Variants in GLDN observed in about 807,000 individuals in gnomAD.
The protein encoded by GLDN is gliomedin.
In GLDN, 47 loss-of-function variants were observed where a neutral mutation model predicts 56.5. The observed-to-expected ratio is 0.83, with a 90% CI of 0.66 to 1.06. The LOEUF (loss-of-function observed/expected upper bound fraction) is 1.06, where lower values mean the gene tolerates loss of function less well. Ranked by LOEUF, GLDN falls within the 50% of genes least tolerant of loss-of-function variation. The pLI, the probability that GLDN is intolerant of heterozygous loss-of-function variation, is 0.00. For missense variants in GLDN, 782 were observed against 714.3 expected, an observed-to-expected ratio of 1.09 and a Z score of -1.08; for synonymous variants, 332 against 278.8, an observed-to-expected ratio of 1.19 and a Z score of -1.90.
intron 4 of GLDN, 113 bp downstream of exon 4, chr15:51,384,005 T>A: frequency 2.4e-6 from 2 of 835,578 alleles, no homozygotes; most frequent in Non-Finnish European, 4.0e-6. Context: ...CTGCACAGTT[T>A]AAGGCCGGTT....
At chr15:51,376,703 T>G (rs1480218230) in intron 1 of GLDN, among the ~76,000 whole-genome samples, 2 of 152,244 alleles carry the variant, frequency 1.3e-5, no homozygotes, top group Non-Finnish European at 2.9e-5. Flanking sequence ...TTTCCTATTT[T>G]TAAAATTTGG....
At chr15:51,353,155 G>A (rs1159033649) in intron 1 of GLDN, among the ~76,000 whole-genome samples, 1 of 152,106 alleles carries the variant, frequency 6.6e-6, no homozygotes, top group East Asian at 1.9e-4. Flanking sequence ...CCCCCATCTA[G>A]GAACAGACTT....
chr15:51,404,301 C>T lies in GLDN; in HGVS notation c.1203C>T (p.Ser401=). ...GATTTGAATTTGGCCAGGAAACATC[C>T]CAAACTCTGAAGCTTGAAAATGCCT... ...LVRFEFGQET[S]QTLKLENALY... Residue 401 remains serine, a synonymous_variant, in exon 10 of 10, where the codon TCC becomes TCT. Coordinates refer to ENST00000335449, the MANE Select transcript of GLDN (RefSeq NM_181789.4). 1 of 1,598,716 alleles carries T rather than the reference C, an allele frequency of 6.3e-7. No individual in the cohort carries two copies.
intron 1 of GLDN, among the ~76,000 whole-genome samples, chr15:51,359,238 G>A (rs1479848936): frequency 6.6e-6 from 1 of 152,142 alleles, no homozygotes; most frequent in Non-Finnish European, 1.5e-5. Flanking sequence ...AGATCAAACC[G>A]GACCTAGGAA....
At chr15:51,409,719 G>A (rs2038445710), downstream of GLDN, among the ~76,000 whole-genome samples, 1 of 152,194 alleles carries the variant, frequency 6.6e-6, no homozygotes, top group Admixed American at 6.5e-5. Context: ...TCATTTTAAA[G>A]TCTAGGAAAG....
downstream of GLDN, among the ~76,000 whole-genome samples, chr15:51,412,844 G>A (rs2038481257): frequency 1.3e-5 from 2 of 151,996 alleles, no homozygotes; most frequent in African/African-American, 4.8e-5. Context: ...CTGCTTTTAT[G>A]TCATAATAAT....
At chr15:51,411,260 GA>G (rs1373187146), downstream of GLDN, among the ~76,000 whole-genome samples, 1 of 152,214 alleles carries the variant, frequency 6.6e-6, no homozygotes, top group Non-Finnish European at 1.5e-5. Context: ...GTCTCCTGCA[GA>G]AGGGGAGAAA....
At chr15:51,349,002 T>C in intron 1 of GLDN, among the ~76,000 whole-genome samples, 1 of 152,348 alleles carries the variant, frequency 6.6e-6, no homozygotes, top group Middle Eastern at 3.4e-3. Flanking sequence ...TTTTTTGTTG[T>C]TTTTTGCTGT....
chr15:51,411,704 GTTTA>G (rs1176115208), downstream of GLDN, among the ~76,000 whole-genome samples: 6 of 152,128 alleles, frequency 3.9e-5, no homozygotes, highest in Non-Finnish European at 7.4e-5. Flanking sequence ...ACAAAATTCT[GTTTA>G]TTTGACTTTT....
At position 51,346,615 on chromosome 15, in the gene GLDN, G is replaced by C. The variant is rs566036845; in HGVS notation, c.363+4568G>C. 2.6e-5 allele frequency among the ~76,000 whole-genome samples: 4 copies of C among 152,242 alleles called. No individual in the cohort carries two copies. The South Asian group carries it at 6.2e-4, about 24-fold the overall frequency. On this transcript the variant is annotated intron_variant, in intron 1 of 9. Transcript: ENST00000335449. ...ATATCATTTTTAATTTTGGAATTGG[G>C]AAGCCTTTTCTTTCAAGTTATAATT...
intron 1 of GLDN, among the ~76,000 whole-genome samples, chr15:51,351,388 T>C (rs2037074363): frequency 1.3e-5 from 2 of 152,174 alleles, no homozygotes; most frequent in African/African-American, 4.8e-5. Flanking sequence ...AAAATTGATT[T>C]TTGTCTTGGA....
Position 51,384,109 on chromosome 15 carries a change from G to A in GLDN, c.541+217G>A, listed in dbSNP as rs369636276. On this transcript the variant is annotated intron_variant, in intron 4 of 9. Coordinates refer to ENST00000335449, the MANE Select transcript of GLDN (RefSeq NM_181789.4). ...ATGTTTATTTCAAACTGGAGAAGCCGTCTCCTGGGAACTGACTCGCACCCT... is the reference window on the plus strand; with the variant it reads ...ATGTTTATTTCAAACTGGAGAAGCCATCTCCTGGGAACTGACTCGCACCCT... The A allele has an allele frequency of 5.5e-4, 318 of 582,362 alleles. 2 individuals carry two copies. Among genetic ancestry groups the A allele is most frequent in the African/African-American group, 4.9e-3 (261 of 53,062 alleles). 36.1% of individuals were successfully genotyped at this position (582,362 alleles called of 1,614,324 possible). A position where few individuals can be genotyped will look rare whatever the true frequency, so the allele number is the denominator to read the frequency against.
At position 51,394,841 on chromosome 15, in the gene GLDN, C is replaced by T; in HGVS notation, c.548C>T (p.Pro183Leu). Reference sequence around the variant, plus strand: ...CTTTTGTTTTTTTGGTCAGGGATACCTGGAGCTGCAGGAAATCCAGGGGAA... The same window carrying T: ...CTTTTGTTTTTTTGGTCAGGGATACTTGGAGCTGCAGGAAATCCAGGGGAA... ...ANGKRGKMGI[P>L]GAAGNPGERG... Residue 183 changes from proline (P) to leucine (L), a missense_variant, in exon 5 of 10, where the codon CCT (proline) becomes CTT (leucine). Physicochemically the swap from Pro to Leu is moderately conservative, Grantham distance 98 (BLOSUM62 -3). Coordinates refer to ENST00000335449, the MANE Select transcript of GLDN (RefSeq NM_181789.4). The T allele has an allele frequency of 6.2e-7, 1 of 1,613,594 alleles. No homozygotes were observed. The highest frequency in any genetic ancestry group is 8.5e-7 in the Non-Finnish European group (1 of 1,179,796).
chr15:51,377,549 G>A (rs754839155), intron 2 of GLDN, 49 bp downstream of exon 2: 10 of 1,478,346 alleles, frequency 6.8e-6, no homozygotes, highest in East Asian at 2.3e-5. Flanking sequence ...GACTTGTGCC[G>A]CTGAAGGCCC....
intron 1 of GLDN, among the ~76,000 whole-genome samples, chr15:51,353,242 C>T (rs1318519807): frequency 2.6e-5 from 4 of 152,170 alleles, no homozygotes; most frequent in Admixed American, 1.3e-4. Context: ...TTCCTAGCCC[C>T]CTCTGCCTGC....
At chr15:51,396,016 G>C (rs2038120294) in intron 5 of GLDN, among the ~76,000 whole-genome samples, 1 of 152,124 alleles carries the variant, frequency 6.6e-6, no homozygotes, top group Non-Finnish European at 1.5e-5. Flanking sequence ...AGCCATTCAT[G>C]AGGGCTCTGC....
chr15:51,377,077 C>A (rs550618156), intron 1 of GLDN, among the ~76,000 whole-genome samples: 5 of 152,176 alleles, frequency 3.3e-5, no homozygotes, highest in Non-Finnish European at 7.3e-5. Flanking sequence ...CAGTAATAGT[C>A]ATTTATTATC....
intron 1 of GLDN, chr15:51,369,014 A>G (rs2037461712): frequency 6.6e-6 from 1 of 152,212 alleles, no homozygotes; most frequent in African/African-American, 2.4e-5. Flanking sequence ...GGCAAGACCC[A>G]CATTCCCGTT....
At position 51,404,328 on chromosome 15, in the gene GLDN, G is replaced by A; in HGVS notation, c.1230G>A (p.Leu410=). 1.2e-6 allele frequency: 2 copies of A among 1,612,286 alleles called. No homozygotes were observed. The highest frequency in any genetic ancestry group is 1.7e-6 in the Non-Finnish European group (2 of 1,179,418). Residue 410 remains leucine, a synonymous_variant, in exon 10 of 10, where the codon TTG becomes TTA. Transcript: ENST00000335449. ...AAACTCTGAAGCTTGAAAATGCCTT[G>A]TATTTTGATCGAAAATACCTTTTTG... is the stretch of plus-strand genomic sequence containing the variant. The part of the protein sequence containing the change: ...TSQTLKLENA[L]YFDRKYLFAN...
Sources: gnomAD v4.1 joint callset for allele counts (sites outside exome capture counted in the v4.1 genomes callset) on GRCh38, gnomAD v4.1.1 for gene constraint, MANE v1.5 for transcripts, NCBI Gene and HGNC (gene_info 2026-07-23, HGNC 2026-07-21) for gene names.